The following NWD1 variants were observed in gnomAD, a reference collection of about 807,000 sequenced individuals.
NWD1 encodes the protein NACHT and WD repeat domain containing 1.
NWD1 carries 129 observed loss-of-function variants against 135.1 expected under a neutral mutation model. The ratio of observed to expected loss-of-function variants is 0.96; its 90% CI spans 0.83 to 1.11. The LOEUF (loss-of-function observed/expected upper bound fraction) is 1.11. Ranked by LOEUF, NWD1 falls within the 50% of genes least tolerant of loss-of-function variation. The probability of loss-of-function intolerance (pLI) is 0.00; values close to 1 mark genes in which losing one functional copy is unlikely to be tolerated. For missense variants in NWD1, 1,740 were observed against 1,851.3 expected (o/e 0.94, Z 1.10); for synonymous variants, 773 against 786.0 (o/e 0.98, Z 0.28).
At chr19:16,741,299 C>T (rs192321649) in intron 4 of NWD1, among the ~76,000 whole-genome samples, 8 of 152,076 alleles carry the variant, frequency 5.3e-5, no homozygotes, top group Admixed American at 5.3e-4. Context: ...GCTCCCCCTG[C>T]CTGCAAGATA....
intron 6 of NWD1, among the ~76,000 whole-genome samples, chr19:16,750,652 A>G (rs1968540647): frequency 6.6e-6 from 1 of 151,124 alleles, no homozygotes; most frequent in Non-Finnish European, 1.5e-5. Flanking sequence ...TTTTATTTTT[A>G]GAGATAGGGG....
intron 17 of NWD1, among the ~76,000 whole-genome samples, chr19:16,803,435 T>A (rs1970661699): frequency 6.6e-6 from 1 of 151,794 alleles, no homozygotes; most frequent in African/African-American, 2.4e-5. Flanking sequence ...TCCATAACAT[T>A]CCTATAACTT....
chr19:16,787,954 C>T (rs186422613), intron 12 of NWD1, among the ~76,000 whole-genome samples: 20 of 146,254 alleles, frequency 1.4e-4, no homozygotes, highest in Non-Finnish European at 2.5e-4. Flanking sequence ...ATAGGCCAGG[C>T]GCGGCGGCTC....
At chr19:16,732,477 G>C (rs999778569) in intron 3 of NWD1, among the ~76,000 whole-genome samples, 13 of 151,524 alleles carry the variant, frequency 8.6e-5, no homozygotes, top group Non-Finnish European at 1.9e-4. Flanking sequence ...TGCGATATGG[G>C]GGATGGGCAT....
chr19:16,786,533 C>T (rs1486221746), intron 12 of NWD1, among the ~76,000 whole-genome samples: 2 of 149,862 alleles, frequency 1.3e-5, no homozygotes, highest in Non-Finnish European at 2.9e-5. Context: ...TCTGTTGTTC[C>T]CATCTTTATG....
chr19:16,737,289 A>G (rs1013348799), intron 4 of NWD1, among the ~76,000 whole-genome samples: 10 of 151,978 alleles, frequency 6.6e-5, no homozygotes, highest in African/African-American at 1.9e-4. Context: ...TTTTTGAGAC[A>G]GAGTCTCAAA....
intron 4 of NWD1, 25 bp downstream of exon 4, chr19:16,736,775 T>G: frequency 7.8e-7 from 1 of 1,281,628 alleles, no homozygotes; most frequent in Non-Finnish European, 1.1e-6. Flanking sequence ...AGGAATGGGT[T>G]AGCTCTTACT....
rs777897918 is a variant in NWD1 at position 16,762,133 on chromosome 19, C to T, written c.2128C>T (p.Arg710Ter). ...TGTGGGGAAACCACTGAACTTGGAC[C>T]GAAAGGTGAGGTACCTGGGACCCCC... ...PLVGKPLNLD[R>*]KVAPQPLWFS... is the part of the protein sequence containing the mutation. Residue 710 changes from arginine to a stop codon, truncating the protein, a stop_gained, in exon 8 of 19, where the codon CGA becomes TGA. Transcript: ENST00000524140. LOFTEE classifies it high-confidence loss of function. 8.6e-5 allele frequency: 138 copies of T among 1,612,406 alleles called. No individual in the cohort carries two copies. The highest frequency in any genetic ancestry group is 2.5e-4 in the Admixed American group (15 of 59,872).
At chr19:16,734,712 A>G (rs2122716620) in intron 3 of NWD1, among the ~76,000 whole-genome samples, 1 of 151,282 alleles carries the variant, frequency 6.6e-6, no homozygotes, top group East Asian at 1.9e-4. Context: ...CTGAGACTAC[A>G]GGCACACACC....
rs753114396 is a variant in NWD1 at position 16,749,656 on chromosome 19, A to G, written c.1014A>G (p.Val338=). 11 of 1,604,100 alleles carry G rather than the reference A, an allele frequency of 6.9e-6. No homozygotes were observed. The highest frequency in any genetic ancestry group is 5.6e-5 in the South Asian group (5 of 90,088). The part of the protein sequence containing the change: ...HDDSKQHTPL[V]LFGPPGIGKT... Reference sequence around the variant, plus strand: ...ACAGCAAGCAGCACACCCCCCTGGTACTCTTTGGGCCCCCAGGCATTGGAA... The same window carrying G: ...ACAGCAAGCAGCACACCCCCCTGGTGCTCTTTGGGCCCCCAGGCATTGGAA... The change falls in exon 6 of 19, where the codon GTA becomes GTG. Residue 338 remains valine (V), a synonymous_variant. Coordinates refer to ENST00000524140, the MANE Select transcript of NWD1 (RefSeq NM_001007525.5).
At chr19:16,801,883 G>T (rs1007723656) in intron 17 of NWD1, among the ~76,000 whole-genome samples, 23 of 152,186 alleles carry the variant, frequency 1.5e-4, no homozygotes, top group African/African-American at 5.1e-4. Flanking sequence ...TTCTCGCGAG[G>T]TTGTTAAAAA....
chr19:16,785,426 G>C (rs912744574), intron 12 of NWD1, among the ~76,000 whole-genome samples: 1 of 151,556 alleles, frequency 6.6e-6, no homozygotes, highest in Non-Finnish European at 1.5e-5. Context: ...CAGGAGAATC[G>C]CTTGAATCCT....
At chr19:16,738,739 A>T (rs1349823540) in intron 4 of NWD1, among the ~76,000 whole-genome samples, 1 of 141,762 alleles carries the variant, frequency 7.1e-6, no homozygotes. Flanking sequence ...TCTATATATA[A>T]TATATATATT....
chr19:16,801,160 T>C (rs1044988466), intron 17 of NWD1, among the ~76,000 whole-genome samples: 1 of 151,862 alleles, frequency 6.6e-6, no homozygotes, highest in Non-Finnish European at 1.5e-5. Flanking sequence ...ATGCCTGTAA[T>C]CCCAGCTACT....
chr19:16,721,859 C>T (rs909929652), intron 1 of NWD1, among the ~76,000 whole-genome samples: 1 of 152,062 alleles, frequency 6.6e-6, no homozygotes, highest in Admixed American at 6.6e-5. Flanking sequence ...GCCTCTAATC[C>T]CAGCACTTTG....
chr19:16,726,396 C>T (rs1967330562), intron 2 of NWD1, among the ~76,000 whole-genome samples: 1 of 152,122 alleles, frequency 6.6e-6, no homozygotes, highest in African/African-American at 2.4e-5. Flanking sequence ...TGGAACAAGC[C>T]ATTGTGCTCA....
At chr19:16,747,771 A>G (rs1968386641) in intron 5 of NWD1, among the ~76,000 whole-genome samples, 1 of 152,092 alleles carries the variant, frequency 6.6e-6, no homozygotes, top group Non-Finnish European at 1.5e-5. Flanking sequence ...TTCTGTCTCT[A>G]TTAATTTGCC....
intron 9 of NWD1, among the ~76,000 whole-genome samples, chr19:16,764,728 C>T (rs1205043827): frequency 6.6e-6 from 1 of 152,074 alleles, no homozygotes; most frequent in African/African-American, 2.4e-5. Context: ...TTCACCAATC[C>T]CCGTGATTCT....
chr19:16,805,537 G>A (rs1401902586), intron 17 of NWD1, among the ~76,000 whole-genome samples: 2 of 151,974 alleles, frequency 1.3e-5, no homozygotes, highest in Non-Finnish European at 2.9e-5. Flanking sequence ...TCACTCTTTT[G>A]CCCAGACTGG....
Sources: allele counts gnomAD v4.1 joint callset (sites outside exome capture counted in the v4.1 genomes callset), GRCh38; gene constraint gnomAD v4.1.1; transcripts MANE v1.5; gene names NCBI Gene and HGNC (gene_info 2026-07-23, HGNC 2026-07-21).